CGAS: variants seen among roughly 807,000 people sequenced by gnomAD.
The protein encoded by CGAS is 2'3'-cGAMP synthase.
In CGAS, 31 loss-of-function variants were observed where a neutral mutation model predicts 34.0. The ratio of observed to expected loss-of-function variants is 0.91; its 90% CI spans 0.69 to 1.23. CGAS has a LOEUF of 1.23. Ranked by LOEUF, CGAS falls within the 50% of genes most tolerant of loss-of-function variation. The pLI, the probability that CGAS is intolerant of heterozygous loss-of-function variation, is 0.00. For missense variants in CGAS, 597 were observed against 657.6 expected, an observed-to-expected ratio of 0.91 and a Z score of 1.01; for synonymous variants, 266 against 260.0, an observed-to-expected ratio of 1.02 and a Z score of -0.22.
intron 1 of CGAS, among the ~76,000 whole-genome samples, chr6:73,450,882 C>T (rs1044209631): frequency 6.0e-5 from 9 of 150,080 alleles, no homozygotes; most frequent in African/African-American, 2.2e-4. Context: ...CCCAGCTACT[C>T]GGGAAGCTGA....
In CGAS at chr6:73,452,261, G is replaced by A; in HGVS notation, c.-80C>T. 6.9e-7 allele frequency: 1 copy of A among 1,458,742 alleles called. No individual in the cohort carries two copies. The highest frequency in any genetic ancestry group is 2.6e-5 in the East Asian group (1 of 38,398). The allele number at this position is 1,458,742 out of a possible 1,614,324, so 90.4% of individuals were successfully genotyped here. A position where few individuals can be genotyped will look rare whatever the true frequency, so the allele number is the denominator to read the frequency against. ...GAGGAAGAGCCAGCAGCAGCTGTTG[G>A]AAACCAAGCACTACTGGCGGGCACA... On this transcript the variant is annotated 5_prime_UTR_variant, in exon 1 of 5. Transcript: ENST00000370315.
chr6:73,425,566 TAAAC>T lies in CGAS; in HGVS notation c.1226_1229del (p.Cys409Ter). On this transcript the variant is annotated frameshift_variant, in exon 5 of 5. Coordinates refer to ENST00000370315, the MANE Select transcript of CGAS (RefSeq NM_138441.3). LOFTEE classifies it low-confidence loss of function (END_TRUNC). ...GTTCTAAAAGGTATTTCATTAGTTTTAAACAATCTTTCCTGTTGAATAAAAAAGG... is the reference window on the plus strand; with the variant it reads ...GTTCTAAAAGGTATTTCATTAGTTTTAATCTTTCCTGTTGAATAAAAAAGG... The T allele has an allele frequency of 6.3e-7, 1 of 1,579,932 alleles. No individual in the cohort carries two copies. Among genetic ancestry groups the T allele is most frequent in the South Asian group, 1.2e-5 (1 of 85,986 alleles).
chr6:73,443,230 A>G (rs78853347), intron 2 of CGAS, among the ~76,000 whole-genome samples: 3 of 136,928 alleles, frequency 2.2e-5, no homozygotes, highest in Non-Finnish European at 4.6e-5. Flanking sequence ...TCTTCTTCCC[A>G]AACTCTTTTT....
At chr6:73,440,041 T>C (rs1243207103) in intron 3 of CGAS, 168 bp downstream of exon 3, 2 of 595,444 alleles carry the variant, frequency 3.4e-6, no homozygotes, top group Non-Finnish European at 5.9e-6. Context: ...TACTACAACT[T>C]TGCCCTTTTC....
In CGAS at chr6:73,445,082, A is replaced by C. The variant is rs115253888; in HGVS notation, c.877+446T>G. On this transcript the variant is annotated intron_variant, in intron 2 of 4. Transcript: ENST00000370315. Reference sequence around the variant, plus strand: ...ATATGTTAAGGACGTAGCTGGATATAGGTTTGGAGTGCAAAGGATATATTT... The same window carrying C: ...ATATGTTAAGGACGTAGCTGGATATCGGTTTGGAGTGCAAAGGATATATTT... 1.5e-3 allele frequency among the ~76,000 whole-genome samples: 229 copies of C among 152,206 alleles called. 2 individuals are homozygous for C. Among genetic ancestry groups the C allele is most frequent in the African/African-American group, 5.4e-3 (226 of 41,542 alleles).
Position 73,452,280 on chromosome 6 carries a change from G to T in CGAS, c.-99C>A, listed in dbSNP as rs1161978775. On this transcript the variant is annotated 5_prime_UTR_variant, in exon 1 of 5. Coordinates refer to ENST00000370315, the MANE Select transcript of CGAS (RefSeq NM_138441.3). ...CTGTTGGAAACCAAGCACTACTGGCGGGCACACAAGAGTCTGCGACCCGAA... is the reference window on the plus strand; with the variant it reads ...CTGTTGGAAACCAAGCACTACTGGCTGGCACACAAGAGTCTGCGACCCGAA... The T allele has an allele frequency of 7.3e-7, 1 of 1,363,540 alleles. No homozygotes were observed. The highest frequency in any genetic ancestry group is 9.6e-7 in the Non-Finnish European group (1 of 1,042,190). 84.5% of individuals were successfully genotyped at this position (1,363,540 alleles called of 1,614,324 possible). A position where few individuals can be genotyped will look rare whatever the true frequency, so the allele number is the denominator to read the frequency against.
intron 2 of CGAS, 103 bp from the exon 3 acceptor site, chr6:73,440,548 A>C (rs1770360614): frequency 5.8e-6 from 6 of 1,028,790 alleles, no homozygotes; most frequent in Non-Finnish European, 2.8e-6. Context: ...TGGTGTGCTA[A>C]GTATGAAGTA....
chr6:73,444,924 T>C (rs555000346), intron 2 of CGAS, among the ~76,000 whole-genome samples: 1 of 152,048 alleles, frequency 6.6e-6, no homozygotes, highest in Non-Finnish European at 1.5e-5. Context: ...TGCGTCTGGG[T>C]GGATTGATTG....
chr6:73,439,254 A>T (rs1228955219), intron 3 of CGAS, among the ~76,000 whole-genome samples: 1 of 151,796 alleles, frequency 6.6e-6, no homozygotes, highest in East Asian at 1.9e-4. Flanking sequence ...AATCACAAGG[A>T]AAAAAGCTAC....
At chr6:73,450,854 G>T (rs1361746311) in intron 1 of CGAS, among the ~76,000 whole-genome samples, 2 of 151,894 alleles carry the variant, frequency 1.3e-5, no homozygotes, top group African/African-American at 2.4e-5. Flanking sequence ...GCCGGGCATG[G>T]TGGCGGGCGC....
At position 73,423,760 on chromosome 6, in the gene CGAS, C is replaced by A. The variant is rs1707506508; in HGVS notation, c.*1467G>T. On this transcript the variant is annotated 3_prime_UTR_variant, in exon 5 of 5. Transcript: ENST00000370315. Reference sequence around the variant, plus strand: ...CAAAAGCTTGAATGAGAAAAGAAATCAACTCCATTAAAATTTAAAAATCTT... The same window carrying A: ...CAAAAGCTTGAATGAGAAAAGAAATAAACTCCATTAAAATTTAAAAATCTT... 6.6e-6 allele frequency: 1 copy of A among 152,022 alleles called. No homozygotes were observed. Among genetic ancestry groups the A allele is most frequent in the Admixed American group, 6.6e-5 (1 of 15,252 alleles). 9.4% of individuals were successfully genotyped at this position (152,022 alleles called of 1,614,324 possible). A position where few individuals can be genotyped will look rare whatever the true frequency, so the allele number is the denominator to read the frequency against.
At position 73,451,925 on chromosome 6, in the gene CGAS, T is replaced by A. The variant is rs752163963; in HGVS notation, c.257A>T (p.Gln86Leu). The stretch of plus-strand genomic sequence containing the variant: ...AGACGGCTGCGTGTCCTGGGCGCGC[T>A]GAGGGGCCTTTTTGGCGCGGGCCCC... ...ATGARAKKAP[Q>L]RAQDTQPSDA... Residue 86 changes from glutamine to leucine, a missense_variant, in exon 1 of 5, where the codon CAG becomes CTG. Gln to Leu is a moderately radical substitution (Grantham distance 113, BLOSUM62 -2). Coordinates refer to ENST00000370315, the MANE Select transcript of CGAS (RefSeq NM_138441.3). 9 of 1,506,464 alleles carry A rather than the reference T, an allele frequency of 6.0e-6. No individual in the cohort carries two copies. Among genetic ancestry groups the A allele is most frequent in the Non-Finnish European group, 8.0e-6 (9 of 1,124,582 alleles). 93.3% of individuals were successfully genotyped at this position (1,506,464 alleles called of 1,614,324 possible).
chr6:73,435,778 TAA>T (rs59217000), intron 3 of CGAS, among the ~76,000 whole-genome samples: 105,856 of 137,022 alleles, frequency 0.77, 40,990 homozygotes, highest in South Asian at 0.87. Flanking sequence ...GTGTCTACTT[TAA>T]AAAAAAAAAA....
chr6:73,441,884 T>A (rs1351442068), intron 2 of CGAS, among the ~76,000 whole-genome samples: 1 of 152,140 alleles, frequency 6.6e-6, no homozygotes, highest in Non-Finnish European at 1.5e-5. Flanking sequence ...CTTACTTTTT[T>A]TTGAGACAAA....
At chr6:73,444,058 C>T (rs983218466) in intron 2 of CGAS, among the ~76,000 whole-genome samples, 25 of 152,142 alleles carry the variant, frequency 1.6e-4, no homozygotes, top group African/African-American at 5.1e-4. Context: ...GGCACGATCT[C>T]GGCTCACTGC....
intron 2 of CGAS, among the ~76,000 whole-genome samples, chr6:73,444,089 A>C (rs1310168178): frequency 6.6e-6 from 1 of 152,084 alleles, no homozygotes; most frequent in Admixed American, 6.6e-5. Flanking sequence ...TCTCGGGTTC[A>C]AGCGATTCTC....
rs569310062 is a variant in CGAS at position 73,449,508 on chromosome 6, C to CACACACACACACAAAA, written c.657+2016_657+2017insTTTTGTGTGTGTGTGT. On this transcript the variant is annotated intron_variant, in intron 1 of 4. Coordinates refer to ENST00000370315, the MANE Select transcript of CGAS (RefSeq NM_138441.3). The stretch of plus-strand genomic sequence containing the variant: ...ACACACACACACACACACACACACA[C>CACACACACACACAAAA]AAAGTGGTTCTGAATGGAGACTGTC... Among the ~76,000 whole-genome samples, 6 of 150,506 alleles carry CACACACACACACAAAA rather than the reference C, an allele frequency of 4.0e-5. 1 individual carries two copies. The highest frequency in any genetic ancestry group is 8.9e-5 in the Non-Finnish European group (6 of 67,560).
Position 73,452,188 on chromosome 6 carries a change from C to G in CGAS, c.-7G>C, listed in dbSNP as rs772534763. The G allele has an allele frequency of 6.3e-7, 1 of 1,590,102 alleles. No homozygotes were observed. The highest frequency in any genetic ancestry group is 8.5e-7 in the Non-Finnish European group (1 of 1,170,894). ...TTCCGTGCCAAGGCTGCATGGCTGGCGCTTTCTGTTCCCCGAAAGAAGAAT... is the reference window on the plus strand; with the variant it reads ...TTCCGTGCCAAGGCTGCATGGCTGGGGCTTTCTGTTCCCCGAAAGAAGAAT... On this transcript the variant is annotated 5_prime_UTR_variant, in exon 1 of 5. Coordinates refer to ENST00000370315, the MANE Select transcript of CGAS (RefSeq NM_138441.3).
At chr6:73,429,377 T>C (rs928226097) in intron 3 of CGAS, among the ~76,000 whole-genome samples, 1 of 152,178 alleles carries the variant, frequency 6.6e-6, no homozygotes, top group Non-Finnish European at 1.5e-5. Context: ...TTACCTTTTA[T>C]ATATTGCTAA....
Sources: allele counts gnomAD v4.1 joint callset (sites outside exome capture counted in the v4.1 genomes callset), GRCh38; gene constraint gnomAD v4.1.1; transcripts MANE v1.5; gene names NCBI Gene and HGNC (gene_info 2026-07-23, HGNC 2026-07-21).